The following NHS variants were observed in gnomAD, a reference collection of about 807,000 sequenced individuals.
NHS encodes the protein actin remodeling regulator NHS.
In NHS, 5 loss-of-function variants were observed where a neutral mutation model predicts 72.5. That is an observed-to-expected ratio of 0.07 (90% CI 0.04 to 0.14). The LOEUF is 0.14. Ranked by LOEUF, NHS falls within the 10% of genes least tolerant of loss-of-function variation. The pLI is 1.00. For synonymous variants in NHS, 464 were observed against 547.7 expected (o/e 0.85, Z 2.13); for missense variants, 1,072 against 1,355.7 (o/e 0.79, Z 3.29).
chrX:17,400,327 C>T (rs753535128), intron 1 of NHS, among the ~76,000 whole-genome samples: 1 of 111,860 alleles, frequency 8.9e-6, no homozygotes, highest in Non-Finnish European at 1.9e-5. Flanking sequence ...GTGGCTCATG[C>T]CTGTAATCCC....
rs112925413 is a variant in NHS at position 17,691,246 on chromosome X, C to T, written c.719-1089C>T. Among the ~76,000 whole-genome samples, 119 of 112,255 alleles carry T rather than the reference C, an allele frequency of 1.1e-3. No homozygotes were observed. In the Middle Eastern group the frequency reaches 0.014, roughly 13 times the overall value. On this transcript the variant is annotated intron_variant, in intron 2 of 8. Coordinates refer to ENST00000676302, the MANE Select transcript of NHS (RefSeq NM_001291867.2). ...AACACCTGTAAGTGACTCTTCTGTA[C>T]GGATTTAAGAATGTAAACACTTTTC... is the stretch of plus-strand genomic sequence containing the variant.
At chrX:17,553,083 C>T (rs757719159) in intron 1 of NHS, among the ~76,000 whole-genome samples, 2 of 113,070 alleles carry the variant, frequency 1.8e-5, no homozygotes, top group East Asian at 2.8e-4. Context: ...GCAGACCACC[C>T]TATCACTCTT....
intron 1 of NHS, among the ~76,000 whole-genome samples, chrX:17,476,445 G>A (rs1231307308): frequency 1.8e-5 from 2 of 111,639 alleles, no homozygotes; most frequent in Non-Finnish European, 1.9e-5. Context: ...AGCTTAACAC[G>A]TGGGCACATA....
At chrX:17,537,491 G>A (rs755515964) in intron 1 of NHS, among the ~76,000 whole-genome samples, 26 of 112,556 alleles carry the variant, frequency 2.3e-4, no homozygotes, top group Non-Finnish European at 4.7e-4. Context: ...GGTCCTGCCT[G>A]GTGCTATCCT....
chrX:17,489,346 AGATCCTT>A (rs2064980290), intron 1 of NHS, among the ~76,000 whole-genome samples: 1 of 112,169 alleles, frequency 8.9e-6, no homozygotes, highest in African/African-American at 3.2e-5. Context: ...TTCTGGTTCT[AGATCCTT>A]AAGGAATCGC....
chrX:17,395,170 A>G (rs1394915927), intron 1 of NHS, among the ~76,000 whole-genome samples: 1 of 109,089 alleles, frequency 9.2e-6, no homozygotes, highest in Non-Finnish European at 1.9e-5. Flanking sequence ...ATGGAGAAAC[A>G]GAGGCAAAGA....
intron 1 of NHS, among the ~76,000 whole-genome samples, chrX:17,639,638 A>G (rs1018062120): frequency 2.7e-5 from 3 of 112,058 alleles, no homozygotes; most frequent in African/African-American, 9.7e-5. Context: ...TAATCCATTA[A>G]CCCATTAATC....
intron 1 of NHS, among the ~76,000 whole-genome samples, chrX:17,627,021 T>C (rs2147065816): frequency 8.9e-6 from 1 of 112,319 alleles, no homozygotes; most frequent in Non-Finnish European, 1.9e-5. Flanking sequence ...TTGTTTGTCA[T>C]TGAATGGGCA....
chrX:17,539,001 A>G (rs780423957), intron 1 of NHS, among the ~76,000 whole-genome samples: 1 of 112,276 alleles, frequency 8.9e-6, no homozygotes, highest in South Asian at 3.7e-4. Flanking sequence ...AAGCACCTAC[A>G]GGAGTCTACA....
intron 1 of NHS, among the ~76,000 whole-genome samples, chrX:17,611,536 G>GAAGGGAAAGAAAGAAAAAAA (rs2065711295): frequency 9.0e-6 from 1 of 111,287 alleles, no homozygotes. Context: ...GAAACATTTT[G>GAAGGGAAAGAAAGAAAAAAA]AAAAGTTTTT....
intron 1 of NHS, among the ~76,000 whole-genome samples, chrX:17,481,230 G>A (rs1055412532): frequency 8.9e-6 from 1 of 111,783 alleles, no homozygotes; most frequent in Non-Finnish European, 1.9e-5. Context: ...GGCGGTGTCC[G>A]TAACTTTCTG....
intron 1 of NHS, among the ~76,000 whole-genome samples, chrX:17,615,140 A>G (rs972560956): frequency 2.2e-5 from 2 of 89,229 alleles, no homozygotes; most frequent in African/African-American, 4.2e-5. Flanking sequence ...ATATGTGTGT[A>G]TATATATACG....
intron 1 of NHS, among the ~76,000 whole-genome samples, chrX:17,393,979 G>T (rs779763172): frequency 1.4e-4 from 16 of 111,388 alleles, no homozygotes; most frequent in Non-Finnish European, 7.5e-5. Context: ...TGAAATACTG[G>T]ACTCAATGAA....
intron 1 of NHS, among the ~76,000 whole-genome samples, chrX:17,612,944 G>A (rs2065718052): frequency 9.0e-6 from 1 of 111,529 alleles, no homozygotes; most frequent in African/African-American, 3.3e-5. Context: ...CCCCTTGGCT[G>A]CCTGTGTGTG....
At chrX:17,536,409 C>G (rs2065224296) in intron 1 of NHS, among the ~76,000 whole-genome samples, 1 of 112,501 alleles carries the variant, frequency 8.9e-6, no homozygotes, top group Non-Finnish European at 1.9e-5. Context: ...GCATTCGGAC[C>G]TATGTGTGTT....
intron 1 of NHS, among the ~76,000 whole-genome samples, chrX:17,458,429 A>G (rs1277045524): frequency 9.0e-6 from 1 of 110,949 alleles, no homozygotes; most frequent in Non-Finnish European, 1.9e-5. Flanking sequence ...GGATTTCACC[A>G]TGTTGGCTAG....
chrX:17,445,127 G>A (rs750954855), intron 1 of NHS, among the ~76,000 whole-genome samples: 2 of 108,850 alleles, frequency 1.8e-5, no homozygotes, highest in East Asian at 5.8e-4. Context: ...GTAGATCAGA[G>A]CCCCAAAGGG....
intron 1 of NHS, among the ~76,000 whole-genome samples, chrX:17,380,315 G>A (rs2064370345): frequency 9.1e-6 from 1 of 109,780 alleles, no homozygotes; most frequent in African/African-American, 3.3e-5. Flanking sequence ...GGAGATGAAC[G>A]CCAAATCAGA....
chrX:17,489,913 G>A (rs192288467), intron 1 of NHS, among the ~76,000 whole-genome samples: 197 of 112,143 alleles, frequency 1.8e-3, no homozygotes, highest in African/African-American at 5.5e-3. Context: ...TTTGTTGGCC[G>A]TATAAATGTC....
Sources: gnomAD v4.1 joint callset for allele counts (sites outside exome capture counted in the v4.1 genomes callset) on GRCh38, gnomAD v4.1.1 for gene constraint, MANE v1.5 for transcripts, NCBI Gene and HGNC (gene_info 2026-07-23, HGNC 2026-07-21) for gene names.